PHIP: variants seen among roughly 807,000 people sequenced by gnomAD.
PHIP encodes PHIP subunit of CUL4-Ring ligase complex.
PHIP carries 54 observed loss-of-function variants against 236.8 expected under a neutral mutation model. That is an observed-to-expected ratio of 0.23 (90% CI 0.18 to 0.29). The LOEUF is 0.29. Ranked by LOEUF, PHIP falls within the 10% of genes least tolerant of loss-of-function variation. The pLI, the probability that PHIP is intolerant of heterozygous loss-of-function variation, is 1.00. For synonymous variants in PHIP, 756 were observed against 718.9 expected, an observed-to-expected ratio of 1.05 and a Z score of -0.83; for missense variants, 1,370 against 2,190.8, an observed-to-expected ratio of 0.63 and a Z score of 7.48.
chr6:78,940,969 TAGG>T lies in PHIP; in HGVS notation c.5187_5189del (p.Leu1730del). Reference sequence around the variant, plus strand: ...TTAACACTTTGACACTTGCAGGGACTAGGAGATCTGCATCTAATTTTTGTGTCT... The same window carrying T: ...TTAACACTTTGACACTTGCAGGGACTAGATCTGCATCTAATTTTTGTGTCT... On this transcript the variant is annotated inframe_deletion, in exon 40 of 40. Transcript: ENST00000275034. The T allele has an allele frequency of 6.2e-7, 1 of 1,613,822 alleles. No homozygotes were observed. The highest frequency in any genetic ancestry group is 8.5e-7 in the Non-Finnish European group (1 of 1,179,718).
rs112978747 is a variant in PHIP, at chr6:79,033,032, G to T, written c.601-6868C>A. Among the ~76,000 whole-genome samples, 116 of 151,942 alleles carry T rather than the reference G, an allele frequency of 7.6e-4. 1 individual carries two copies. Among genetic ancestry groups the T allele is most frequent in the African/African-American group, 2.8e-3 (114 of 41,430 alleles). ...GGGTTCCTGGGTGACCAGGCATCTT[G>T]TTAATGAACAGTAATATCTTGAAAG... On this transcript the variant is annotated intron_variant, in intron 7 of 39. Coordinates refer to ENST00000275034, the MANE Select transcript of PHIP (RefSeq NM_017934.7).
At chr6:79,005,564 T>A (rs1002479622) in intron 15 of PHIP, among the ~76,000 whole-genome samples, 2 of 151,998 alleles carry the variant, frequency 1.3e-5, no homozygotes, top group Non-Finnish European at 2.9e-5. Flanking sequence ...CATGTGTTGT[T>A]AAATGATTTT....
intron 27 of PHIP, 108 bp downstream of exon 27, chr6:78,969,727 A>G: frequency 1.8e-6 from 1 of 556,918 alleles, no homozygotes. Context: ...TACAAATAGC[A>G]AAAAGATTTC....
At chr6:78,949,850 G>A (rs1016163494) in intron 35 of PHIP, among the ~76,000 whole-genome samples, 22 of 152,032 alleles carry the variant, frequency 1.4e-4, no homozygotes, top group African/African-American at 2.4e-4. Flanking sequence ...CACTGCACCC[G>A]GTTAATTTTT....
Position 79,077,523 on chromosome 6 carries a change from A to C in PHIP, c.130-16T>G. On this transcript the variant is annotated splice_polypyrimidine_tract_variant and intron_variant, in intron 3 of 39. Coordinates refer to ENST00000275034, the MANE Select transcript of PHIP (RefSeq NM_017934.7). ...GGGGCAGCAGCTGCGGGGAGAGGAC[A>C]CCCCGTGAGCCCGGCCCCCGGCCCC... 6.7e-7 allele frequency: 1 copy of C among 1,500,230 alleles called. No homozygotes were observed. The highest frequency in any genetic ancestry group is 8.9e-7 in the Non-Finnish European group (1 of 1,119,630). The allele number at this position is 1,500,230 out of a possible 1,614,324, so 92.9% of individuals were successfully genotyped here.
chr6:78,972,804 G>A (rs547665452), intron 24 of PHIP, among the ~76,000 whole-genome samples: 2 of 152,134 alleles, frequency 1.3e-5, no homozygotes, highest in African/African-American at 4.8e-5. Flanking sequence ...TGAATGAAAT[G>A]AAGCGAGAAG....
chr6:79,077,252 C>G (rs929089761), intron 4 of PHIP, among the ~76,000 whole-genome samples, 196 bp downstream of exon 4: 14 of 152,012 alleles, frequency 9.2e-5, no homozygotes, highest in African/African-American at 3.4e-4. Flanking sequence ...TGTCCGCAGC[C>G]CCTGCGGCCC....
chr6:78,984,831 A>C (rs1768767086), intron 22 of PHIP, among the ~76,000 whole-genome samples: 1 of 152,080 alleles, frequency 6.6e-6, no homozygotes. Flanking sequence ...CAAAGGCTAT[A>C]CTCTCTTTTT....
chr6:78,968,499 G>A (rs540417919), intron 27 of PHIP, among the ~76,000 whole-genome samples: 53 of 152,334 alleles, frequency 3.5e-4, no homozygotes, highest in Non-Finnish European at 6.3e-4. Context: ...GGGGGGTTCC[G>A]TAGGATCAAT....
In PHIP at chr6:79,042,939, T is replaced by C. The variant is rs768392302; in HGVS notation, c.504A>G (p.Ala168=). 1.2e-6 allele frequency: 2 copies of C among 1,612,194 alleles called. No homozygotes were observed. The highest frequency in any genetic ancestry group is 1.7e-5 in the Admixed American group (1 of 59,884). ...TATGCATTTTCATGTGCTGATACAC[T>C]GCAGTTGGAACAAGTCGCTCAAGTC... ...KYRLERLVPT[A]VYQHMKMHKR... The change falls in exon 7 of 40, where the codon GCA becomes GCG. Residue 168 remains alanine, a synonymous_variant. Coordinates refer to ENST00000275034, the MANE Select transcript of PHIP (RefSeq NM_017934.7).
chr6:78,950,329 T>C (rs1378029159), intron 35 of PHIP, among the ~76,000 whole-genome samples: 1 of 152,208 alleles, frequency 6.6e-6, no homozygotes, highest in Admixed American at 6.5e-5. Flanking sequence ...ACTCTTATTG[T>C]CTGGTTTTGA....
At chr6:79,071,685 TAC>T (rs1484335178) in intron 4 of PHIP, among the ~76,000 whole-genome samples, 1 of 152,178 alleles carries the variant, frequency 6.6e-6, no homozygotes, top group Non-Finnish European at 1.5e-5. Context: ...AGCTTAGTAT[TAC>T]AGATATTTTT....
In PHIP at chr6:78,973,160, T is replaced by C. The variant is rs1288447178; in HGVS notation, c.2890-2272A>G. ...GGGTTACGCTCAAAGGGAAGCCCATTAGACTAACAGCGGATCTCTCAGCAG... is the reference window on the plus strand; with the variant it reads ...GGGTTACGCTCAAAGGGAAGCCCATCAGACTAACAGCGGATCTCTCAGCAG... On this transcript the variant is annotated intron_variant, in intron 24 of 39. Transcript: ENST00000275034. 3.9e-5 allele frequency among the ~76,000 whole-genome samples: 6 copies of C among 152,194 alleles called. No homozygotes were observed. In the South Asian group the frequency reaches 6.2e-4, roughly 16 times the overall value.
intron 4 of PHIP, among the ~76,000 whole-genome samples, chr6:79,066,025 A>G (rs1562221886): frequency 1.3e-5 from 2 of 152,026 alleles, no homozygotes; most frequent in Admixed American, 1.3e-4. Flanking sequence ...ACTGGTAAAT[A>G]ATTAAAAGAC....
At chr6:79,057,400 G>C (rs755229038) in intron 6 of PHIP, among the ~76,000 whole-genome samples, 3 of 152,096 alleles carry the variant, frequency 2.0e-5, no homozygotes, top group Admixed American at 6.6e-5. Context: ...CTGAGAAATA[G>C]ACCAGGTAAT....
At chr6:78,981,373 C>T (rs1251516116) in intron 23 of PHIP, among the ~76,000 whole-genome samples, 1 of 152,078 alleles carries the variant, frequency 6.6e-6, no homozygotes, top group African/African-American at 2.4e-5. Context: ...TCTACTGTTA[C>T]ATCACTGCTA....
At chr6:79,063,043 CTT>C (rs1773457303) in intron 4 of PHIP, among the ~76,000 whole-genome samples, 1 of 152,136 alleles carries the variant, frequency 6.6e-6, no homozygotes, top group Admixed American at 6.5e-5. Flanking sequence ...GATACTTAGA[CTT>C]TTAAGAATCT....
chr6:79,077,974 G>A (rs1380550237), intron 1 of PHIP, 55 bp downstream of exon 1: 2 of 1,596,404 alleles, frequency 1.3e-6, no homozygotes, highest in African/African-American at 1.3e-5. Flanking sequence ...CGGGGGGCGG[G>A]GGACCGCGGG....
At chr6:79,037,896 G>A (rs1454187217) in intron 7 of PHIP, among the ~76,000 whole-genome samples, 1 of 152,146 alleles carries the variant, frequency 6.6e-6, no homozygotes, top group Admixed American at 6.6e-5. Context: ...CAAAGGCAAA[G>A]ACAAAGCTCA....
Sources: allele counts gnomAD v4.1 joint callset (sites outside exome capture counted in the v4.1 genomes callset), GRCh38; gene constraint gnomAD v4.1.1; transcripts MANE v1.5; gene names NCBI Gene and HGNC (gene_info 2026-07-23, HGNC 2026-07-21).